The following ZNF385D variants were observed in gnomAD, a reference collection of about 807,000 sequenced individuals.
ZNF385D encodes zinc finger protein 385D, also known as zinc finger protein 659.
ZNF385D carries 15 observed loss-of-function variants against 35.8 expected under a neutral mutation model. The observed-to-expected ratio is 0.42, with a 90% CI of 0.28 to 0.64. The LOEUF (loss-of-function observed/expected upper bound fraction) is 0.64, where lower values mean the gene tolerates loss of function less well. Ranked by LOEUF, ZNF385D falls within the 30% of genes least tolerant of loss-of-function variation. The pLI is 0.23. For missense variants in ZNF385D, 474 were observed against 494.6 expected (o/e 0.96, Z 0.39); for synonymous variants, 212 against 186.8 (o/e 1.13, Z -1.10).
rs372582454 is a variant in ZNF385D at position 21,744,324 on chromosome 3, G to A, written c.22+6571C>T. 1.2e-4 allele frequency among the ~76,000 whole-genome samples: 18 copies of A among 152,148 alleles called. 1 individual carries two copies. The highest frequency in any genetic ancestry group is 1.9e-4 in the African/African-American group (8 of 41,436). ...AAAGTACATTTACATTCCTTATTGC[G>A]TTTTTATCCTCAGAGCAATCTGCTA... On this transcript the variant is annotated intron_variant, in intron 1 of 7. Transcript: ENST00000281523.
chr3:21,839,219 T>A (rs1323232766), intron 3 of ZNF385D, among the ~76,000 whole-genome samples: 1 of 151,968 alleles, frequency 6.6e-6, no homozygotes, highest in African/African-American at 2.4e-5. Context: ...TTTGGTAACA[T>A]TTTTTTAGTA....
chr3:22,050,998 T>C (rs1297580564), intron 3 of ZNF385D, among the ~76,000 whole-genome samples: 1 of 45,264 alleles, frequency 2.2e-5, no homozygotes, highest in African/African-American at 8.4e-5. Flanking sequence ...GAGAGTTCTG[T>C]AGATGTCTAT....
chr3:21,903,800 T>G (rs1699536548), intron 3 of ZNF385D, among the ~76,000 whole-genome samples: 1 of 152,082 alleles, frequency 6.6e-6, no homozygotes, highest in Admixed American at 6.6e-5. Context: ...CAAGACTTTG[T>G]GCAGTCATGA....
chr3:22,290,636 G>A (rs1430611662), intron 2 of ZNF385D, among the ~76,000 whole-genome samples: 1 of 152,102 alleles, frequency 6.6e-6, no homozygotes, highest in Non-Finnish European at 1.5e-5. Context: ...GTTTCTGAGG[G>A]GCCTAGATGT....
intron 4 of ZNF385D, among the ~76,000 whole-genome samples, chr3:21,488,841 A>G (rs1411191214): frequency 6.6e-6 from 1 of 152,154 alleles, no homozygotes; most frequent in Non-Finnish European, 1.5e-5. Context: ...CTCTGGAAGG[A>G]AAGTTTCAGC....
At chr3:21,879,764 C>T (rs1002662903) in intron 3 of ZNF385D, among the ~76,000 whole-genome samples, 24 of 152,108 alleles carry the variant, frequency 1.6e-4, no homozygotes, top group African/African-American at 5.1e-4. Context: ...TACATAAAAA[C>T]TTCAGCTTTG....
chr3:22,340,538 T>C (rs1293804325), intron 2 of ZNF385D, among the ~76,000 whole-genome samples: 1 of 152,058 alleles, frequency 6.6e-6, no homozygotes, highest in Non-Finnish European at 1.5e-5. Flanking sequence ...CCTAGCTACT[T>C]GGGAAGCCGA....
At chr3:21,558,121 T>A (rs904427039) in intron 3 of ZNF385D, among the ~76,000 whole-genome samples, 1 of 151,080 alleles carries the variant, frequency 6.6e-6, no homozygotes, top group Non-Finnish European at 1.5e-5. Context: ...ATTTTTTTTT[T>A]TTTTTTTGAA....
At position 21,775,554 on chromosome 3, in the gene ZNF385D, T is replaced by C. The variant is rs754874262; in HGVS notation, c.326-110526A>G. On this transcript the variant is annotated intron_variant, in intron 3 of 5. Transcript: ENST00000494108. ...AAGTTGAACTCCTCCTGGCTATTTC[T>C]TTAGCAATTAAGACCCTATATTGTA... is the stretch of plus-strand genomic sequence containing the variant. Among the ~76,000 whole-genome samples the C allele has an allele frequency of 2.9e-4, 44 of 152,032 alleles. 1 individual carries two copies. Among genetic ancestry groups the C allele is most frequent in the Non-Finnish European group, 3.1e-4 (21 of 67,902 alleles).
chr3:21,992,221 T>A (rs1337359292), intron 3 of ZNF385D, among the ~76,000 whole-genome samples: 1 of 151,990 alleles, frequency 6.6e-6, no homozygotes, highest in African/African-American at 2.4e-5. Context: ...TCACAGAATA[T>A]AGATATCCAG....
intron 3 of ZNF385D, among the ~76,000 whole-genome samples, chr3:21,954,704 T>C (rs953564990): frequency 9.9e-5 from 15 of 152,126 alleles, no homozygotes; most frequent in African/African-American, 3.4e-4. Flanking sequence ...ATTTTTAAAT[T>C]ATCACAGTGA....
chr3:22,248,819 C>T (rs1699922308), intron 2 of ZNF385D, among the ~76,000 whole-genome samples: 1 of 152,086 alleles, frequency 6.6e-6, no homozygotes, highest in Non-Finnish European at 1.5e-5. Context: ...CTGCTTTGAC[C>T]TTTATAGCAC....
intron 2 of ZNF385D, among the ~76,000 whole-genome samples, chr3:21,580,953 ATTTTCT>A (rs1327458446): frequency 6.6e-6 from 1 of 152,004 alleles, no homozygotes; most frequent in East Asian, 1.9e-4. Flanking sequence ...TAAGGTGGAT[ATTTTCT>A]TGAAATATTC....
intron 2 of ZNF385D, among the ~76,000 whole-genome samples, chr3:22,179,197 T>C (rs146196062): frequency 0.013 from 1,991 of 152,326 alleles, 41 homozygotes; most frequent in African/African-American, 0.045. Flanking sequence ...TTTCACGATA[T>C]TGATTCTTCC....
chr3:22,119,997 T>C (rs1446054947), intron 3 of ZNF385D, among the ~76,000 whole-genome samples: 1 of 10,538 alleles, frequency 9.5e-5, no homozygotes, highest in African/African-American at 4.3e-4. Flanking sequence ...TCTTTTTTCT[T>C]TTTTTTTTTT....
intron 2 of ZNF385D, among the ~76,000 whole-genome samples, chr3:22,174,403 C>G (rs114384024): frequency 3.9e-5 from 6 of 152,084 alleles, no homozygotes; most frequent in Non-Finnish European, 7.4e-5. Context: ...TAGATGACAG[C>G]CACTAACAGA....
At chr3:22,362,615 G>A (rs984222852) in intron 2 of ZNF385D, among the ~76,000 whole-genome samples, 2 of 151,964 alleles carry the variant, frequency 1.3e-5, no homozygotes, top group Non-Finnish European at 2.9e-5. Context: ...TTATCGTTCC[G>A]ACTCTTAAGG....
intron 3 of ZNF385D, among the ~76,000 whole-genome samples, chr3:21,902,125 T>G (rs964877327): frequency 6.6e-6 from 1 of 152,142 alleles, no homozygotes; most frequent in Non-Finnish European, 1.5e-5. Flanking sequence ...TGACAAAACA[T>G]TTGTAGAAAT....
intron 2 of ZNF385D, among the ~76,000 whole-genome samples, chr3:22,173,522 T>C (rs1234995126): frequency 1.3e-5 from 2 of 152,128 alleles, no homozygotes; most frequent in African/African-American, 4.8e-5. Context: ...GACCATTTTC[T>C]CTCCTTGACA....
Sources: allele counts gnomAD v4.1 joint callset (sites outside exome capture counted in the v4.1 genomes callset), GRCh38; gene constraint gnomAD v4.1.1; transcripts MANE v1.5; gene names NCBI Gene and HGNC (gene_info 2026-07-23, HGNC 2026-07-21).